ADAMTS2: variants seen among roughly 807,000 people sequenced by gnomAD.
The protein encoded by ADAMTS2 is A disintegrin and metalloproteinase with thrombospondin motifs 2.
Under a neutral mutation model 123.0 loss-of-function variants are expected in ADAMTS2, and 50 were observed. The ratio of observed to expected loss-of-function variants is 0.41; its 90% confidence interval spans 0.32 to 0.51. ADAMTS2 has a LOEUF of 0.51. Ranked by LOEUF, ADAMTS2 falls within the 20% of genes least tolerant of loss-of-function variation. The pLI is 0.35. For synonymous variants in ADAMTS2, 678 were observed against 695.4 expected, an observed-to-expected ratio of 0.98 and a Z score of 0.39; for missense variants, 1,494 against 1,705.2, an observed-to-expected ratio of 0.88 and a Z score of 2.18.
chr5:179,322,177 CA>C (rs1428255361), intron 2 of ADAMTS2, among the ~76,000 whole-genome samples: 1 of 152,196 alleles, frequency 6.6e-6, no homozygotes, highest in African/African-American at 2.4e-5. Context: ...GCACATACGA[CA>C]GTTTTTAACT....
intron 2 of ADAMTS2, among the ~76,000 whole-genome samples, chr5:179,327,100 G>A (rs182042078): frequency 1.3e-5 from 2 of 152,302 alleles, no homozygotes; most frequent in Admixed American, 6.5e-5. Flanking sequence ...ACATAGGCCC[G>A]GCAGATTTCC....
intron 6 of ADAMTS2, among the ~76,000 whole-genome samples, chr5:179,156,970 T>C (rs1263203967): frequency 2.1e-5 from 3 of 146,306 alleles, no homozygotes; most frequent in South Asian, 4.4e-4. Flanking sequence ...TCTTTTTTTT[T>C]TTTTTTTTTT....
In ADAMTS2 at chr5:179,122,269, G is replaced by A. The variant is rs1189634954; in HGVS notation, c.3088+375C>T. Among the ~76,000 whole-genome samples the A allele has an allele frequency of 2.0e-5, 3 of 152,194 alleles. No individual in the cohort carries two copies. In the East Asian group the frequency reaches 5.8e-4, roughly 29 times the overall value. ...ATGTATAGCGTTTGGACAGGCATCT[G>A]TGCGTGGTAGGTATTCTGGTTCTCC... is the stretch of plus-strand genomic sequence containing the variant. On this transcript the variant is annotated intron_variant, in intron 20 of 21. Coordinates refer to ENST00000251582, the MANE Select transcript of ADAMTS2 (RefSeq NM_014244.5).
intron 3 of ADAMTS2, among the ~76,000 whole-genome samples, chr5:179,252,620 G>A (rs1177059693): frequency 6.6e-6 from 1 of 152,064 alleles, no homozygotes; most frequent in African/African-American, 2.4e-5. Context: ...AGGCATGATG[G>A]TCAGGGAACA....
At position 179,153,345 on chromosome 5, in the gene ADAMTS2, G is replaced by T. The variant is rs569110949; in HGVS notation, c.1515+146C>A. 574 of 1,279,724 alleles carry T rather than the reference G, an allele frequency of 4.5e-4. 3 individuals carry two copies. The African/African-American group carries it at 7.3e-3, about 16-fold the overall frequency. 79.3% of individuals were successfully genotyped at this position (1,279,724 alleles called of 1,614,324 possible). On this transcript the variant is annotated intron_variant, in intron 9 of 21. Coordinates refer to ENST00000251582, the MANE Select transcript of ADAMTS2 (RefSeq NM_014244.5). Reference sequence around the variant, plus strand: ...GTGCCTAGGGGGTGGGGAGTGGTGGGTGCAGAGGGACAGGCTGCCACTCTG... The same window carrying T: ...GTGCCTAGGGGGTGGGGAGTGGTGGTTGCAGAGGGACAGGCTGCCACTCTG...
intron 3 of ADAMTS2, among the ~76,000 whole-genome samples, chr5:179,255,681 G>A (rs1766030122): frequency 1.3e-5 from 2 of 152,092 alleles, no homozygotes; most frequent in African/African-American, 4.8e-5. Context: ...CGTCTCCCAA[G>A]ATTATGGCCT....
Position 179,239,883 on chromosome 5 carries a change from C to T in ADAMTS2, c.689-32168G>A, listed in dbSNP as rs945178143. Among the ~76,000 whole-genome samples, 3 of 152,246 alleles carry T rather than the reference C, an allele frequency of 2.0e-5. No individual in the cohort carries two copies. In the East Asian group the frequency reaches 5.8e-4, roughly 29 times the overall value. On this transcript the variant is annotated intron_variant, in intron 3 of 21. Transcript: ENST00000251582. ...ACACCAAGGGAGCAGGAGGGACTAGCCTGCCACGTGCTAGGGATGGCGACT... is the reference window on the plus strand; with the variant it reads ...ACACCAAGGGAGCAGGAGGGACTAGTCTGCCACGTGCTAGGGATGGCGACT...
intron 3 of ADAMTS2, among the ~76,000 whole-genome samples, chr5:179,270,277 G>C (rs1315422621): frequency 6.6e-6 from 1 of 152,100 alleles, no homozygotes; most frequent in Non-Finnish European, 1.5e-5. Flanking sequence ...AGGCACCCCT[G>C]ACGCTGCAGG....
intron 3 of ADAMTS2, among the ~76,000 whole-genome samples, chr5:179,245,881 C>G (rs1210780715): frequency 7.0e-6 from 1 of 143,624 alleles, no homozygotes; most frequent in Admixed American, 7.0e-5. Flanking sequence ...TAATATAAAT[C>G]TAAAGATTCT....
At position 179,345,112 on chromosome 5, in the gene ADAMTS2, G is replaced by A; in HGVS notation, c.139+78C>T. ...GCCCAAGTCAGGCTGGACGACGCCT[G>A]GGGAGGGGGCGGCGGGGCACGCGGG... is the stretch of plus-strand genomic sequence containing the variant. On this transcript the variant is annotated intron_variant, in intron 1 of 21. Coordinates refer to ENST00000251582, the MANE Select transcript of ADAMTS2 (RefSeq NM_014244.5). This position sits in a 1 kb window ranked among gnomAD's most constrained non-coding sequence, Gnocchi z 7.5. 9.9e-7 allele frequency: 1 copy of A among 1,007,582 alleles called. No homozygotes were observed. The highest frequency in any genetic ancestry group is 1.2e-6 in the Non-Finnish European group (1 of 832,762). The allele number at this position is 1,007,582 out of a possible 1,614,324, so 62.4% of individuals were successfully genotyped here.
intron 2 of ADAMTS2, among the ~76,000 whole-genome samples, chr5:179,276,276 G>C (rs182485858): frequency 6.6e-6 from 1 of 152,314 alleles, no homozygotes; most frequent in Admixed American, 6.5e-5. Flanking sequence ...ACCAGTGCAG[G>C]AGTTGGGAGG....
intron 4 of ADAMTS2, 71 bp downstream of exon 4, chr5:179,207,442 G>A (rs1466849109): frequency 4.6e-6 from 7 of 1,523,256 alleles, no homozygotes; most frequent in Admixed American, 1.7e-5. Flanking sequence ...GCCCAGCTGG[G>A]CCTCTCTGGC....
chr5:179,321,827 C>T (rs1757189005), intron 2 of ADAMTS2, among the ~76,000 whole-genome samples: 1 of 152,160 alleles, frequency 6.6e-6, no homozygotes, highest in South Asian at 2.1e-4. Context: ...AAGTCAAAAG[C>T]TGGGGAGTGC....
At position 179,121,695 on chromosome 5, in the gene ADAMTS2, C is replaced by T. The variant is rs1036733329; in HGVS notation, c.3144G>A (p.Pro1048=). The change falls in exon 21 of 22, where the codon CCG becomes CCA. Residue 1048 remains proline, a synonymous_variant. Transcript: ENST00000251582. ...TCTTCCGGATGGGCGAGTCGGGGTC[C>T]GGGCGGGACAGCCACTGAACTACGT... ...KSYVVQWLSR[P]DPDSPIRKIS... The T allele has an allele frequency of 2.5e-6, 4 of 1,596,146 alleles. No individual in the cohort carries two copies. The highest frequency in any genetic ancestry group is 3.4e-6 in the Non-Finnish European group (4 of 1,171,478).
In ADAMTS2 at chr5:179,345,227, G is replaced by A. The variant is rs1402048390; in HGVS notation, c.102C>T (p.Pro34=). 6 of 1,119,454 alleles carry A rather than the reference G, an allele frequency of 5.4e-6. No individual in the cohort carries two copies. The highest frequency in any genetic ancestry group is 1.7e-5 in the African/African-American group (1 of 59,508). The allele number at this position is 1,119,454 out of a possible 1,614,324, so 69.3% of individuals were successfully genotyped here. A position where few individuals can be genotyped will look rare whatever the true frequency, so the allele number is the denominator to read the frequency against. ...PPPLLPPPPP[P]ANARLAAAAD... ...CGGCGGCGGCGAGCCTGGCGTTCGC[G>A]GGCGGCGGCGGCGGCGGCAGGAGCG... Residue 34 remains proline (P), a synonymous_variant, in exon 1 of 22, where the codon CCC becomes CCT. Transcript: ENST00000251582. This position sits in a 1 kb window ranked among gnomAD's most constrained non-coding sequence, Gnocchi z 7.5.
At chr5:179,280,216 T>C (rs1381095814) in intron 2 of ADAMTS2, among the ~76,000 whole-genome samples, 1 of 152,192 alleles carries the variant, frequency 6.6e-6, no homozygotes, top group East Asian at 1.9e-4. Flanking sequence ...CCGGAGCCAA[T>C]TTCCAACAGG....
rs1764731152 is a variant in ADAMTS2 at position 179,207,572 on chromosome 5, C to T, written c.832G>A (p.Val278Met). The change falls in exon 4 of 22, where the codon GTG becomes ATG. Residue 278 changes from valine (V) to methionine (M), a missense_variant. Physicochemically the swap from Val to Met is conservative, Grantham distance 21. Coordinates refer to ENST00000251582, the MANE Select transcript of ADAMTS2 (RefSeq NM_014244.5). ...TGCTCCTTCCCGTGGAACTGCACCA[C>T]AGAGTCATCCACGCCCAGCAGGACC... ...IEVLLGVDDSVVQFHGKEHVQ... is the reference protein window; with the variant it reads ...IEVLLGVDDSMVQFHGKEHVQ... 5.6e-6 allele frequency: 9 copies of T among 1,613,724 alleles called. No individual in the cohort carries two copies. Among genetic ancestry groups the T allele is most frequent in the Non-Finnish European group, 7.6e-6 (9 of 1,180,004 alleles).
intron 3 of ADAMTS2, among the ~76,000 whole-genome samples, chr5:179,239,429 G>T (rs1327590722): frequency 1.3e-5 from 2 of 152,140 alleles, no homozygotes; most frequent in African/African-American, 4.8e-5. Flanking sequence ...GTGCGGAGAG[G>T]GTGAGCGCGA....
At chr5:179,301,315 C>A (rs571547595) in intron 2 of ADAMTS2, among the ~76,000 whole-genome samples, 1 of 152,180 alleles carries the variant, frequency 6.6e-6, no homozygotes, top group African/African-American at 2.4e-5. Context: ...TGGCCTCTTT[C>A]GACCTCTGCT....
Sources: allele counts gnomAD v4.1 joint callset (sites outside exome capture counted in the v4.1 genomes callset), GRCh38; gene constraint gnomAD v4.1.1; non-coding constraint Gnocchi (gnomAD v3.1); transcripts MANE v1.5; gene names NCBI Gene and HGNC (gene_info 2026-07-23, HGNC 2026-07-21).